FAM135B: variants seen among roughly 807,000 people sequenced by gnomAD.
FAM135B encodes family with sequence similarity 135 member B.
A neutral mutation model predicts 127.7 loss-of-function variants in FAM135B; 43 were observed. The ratio of observed to expected loss-of-function variants is 0.34; its 90% CI spans 0.26 to 0.43. The LOEUF (loss-of-function observed/expected upper bound fraction) is 0.43. Ranked by LOEUF, FAM135B falls within the 20% of genes least tolerant of loss-of-function variation. FAM135B has a pLI of 1.00. For missense variants in FAM135B, 1,558 were observed against 1,725.6 expected (o/e 0.90, Z 1.72); for synonymous variants, 670 against 665.1 (o/e 1.01, Z -0.11).
intron 1 of FAM135B, among the ~76,000 whole-genome samples, chr8:138,424,502 T>C (rs773838270): frequency 6.6e-6 from 1 of 152,162 alleles, no homozygotes; most frequent in Non-Finnish European, 1.5e-5. Context: ...TACTTTAAAA[T>C]TTACCCTTGA....
intron 7 of FAM135B, among the ~76,000 whole-genome samples, chr8:138,240,764 A>G (rs1820696926): frequency 6.6e-6 from 1 of 152,204 alleles, no homozygotes; most frequent in African/African-American, 2.4e-5. Context: ...GAGGGTGTAC[A>G]GGGAGTTGCA....
intron 6 of FAM135B, among the ~76,000 whole-genome samples, chr8:138,249,490 T>C (rs1821542181): frequency 6.6e-6 from 1 of 152,158 alleles, no homozygotes; most frequent in Admixed American, 6.5e-5. Flanking sequence ...ATGTACTGCA[T>C]ATTCACTTAC....
intron 7 of FAM135B, among the ~76,000 whole-genome samples, chr8:138,216,907 A>G (rs1229626754): frequency 6.6e-6 from 1 of 152,218 alleles, no homozygotes; most frequent in Non-Finnish European, 1.5e-5. Flanking sequence ...TAAGTAGGCT[A>G]CAGAGCTTTC....
chr8:138,363,204 T>C (rs1830539265), intron 2 of FAM135B, among the ~76,000 whole-genome samples: 1 of 152,152 alleles, frequency 6.6e-6, no homozygotes, highest in Non-Finnish European at 1.5e-5. Context: ...CCATTAATAG[T>C]GTTAATGACA....
chr8:138,401,105 G>A (rs1833131593), intron 1 of FAM135B, among the ~76,000 whole-genome samples: 1 of 152,092 alleles, frequency 6.6e-6, no homozygotes. Flanking sequence ...TATTAACTGG[G>A]ATTATATCAA....
intron 2 of FAM135B, among the ~76,000 whole-genome samples, chr8:138,331,640 A>ACCTGATGACT (rs56729170): frequency 0.061 from 9,241 of 152,196 alleles, 351 homozygotes; most frequent in Middle Eastern, 0.15. Flanking sequence ...TAGCAACCTC[A>ACCTGATGACT]CCTGATGACT....
intron 1 of FAM135B, among the ~76,000 whole-genome samples, chr8:138,467,302 T>C (rs1005652330): frequency 3.9e-5 from 6 of 152,162 alleles, no homozygotes; most frequent in African/African-American, 1.4e-4. Flanking sequence ...CTCGGAGGCA[T>C]AGTTGCTGGA....
chr8:138,491,247 G>C (rs976189273), intron 1 of FAM135B, among the ~76,000 whole-genome samples: 1 of 151,898 alleles, frequency 6.6e-6, no homozygotes, highest in African/African-American at 2.4e-5. Flanking sequence ...TTAAAACATA[G>C]GGCAAGACTT....
intron 12 of FAM135B, among the ~76,000 whole-genome samples, chr8:138,163,465 A>G (rs4128796): frequency 1.3e-5 from 2 of 151,880 alleles, no homozygotes; most frequent in Non-Finnish European, 2.9e-5. Context: ...AGCTCCCTTA[A>G]TTCCCATATG....
intron 1 of FAM135B, among the ~76,000 whole-genome samples, chr8:138,403,650 G>A (rs1833281320): frequency 6.6e-6 from 1 of 152,134 alleles, no homozygotes; most frequent in Non-Finnish European, 1.5e-5. Context: ...GAGTGGGGCT[G>A]GACCATGACC....
intron 1 of FAM135B, among the ~76,000 whole-genome samples, chr8:138,386,576 G>A (rs1832232058): frequency 6.6e-6 from 1 of 152,160 alleles, no homozygotes; most frequent in Non-Finnish European, 1.5e-5. Context: ...CTGTGGTATA[G>A]AATGAATTTG....
intron 12 of FAM135B, among the ~76,000 whole-genome samples, chr8:138,154,375 T>G (rs926113970): frequency 6.6e-6 from 1 of 151,866 alleles, no homozygotes; most frequent in South Asian, 2.1e-4. Context: ...AAAATCAGAG[T>G]GCCTCTTCTC....
intron 6 of FAM135B, among the ~76,000 whole-genome samples, chr8:138,248,027 T>C (rs1261568476): frequency 6.6e-6 from 1 of 152,240 alleles, no homozygotes; most frequent in Non-Finnish European, 1.5e-5. Flanking sequence ...GCTTATTATG[T>C]GCTAGACATG....
intron 2 of FAM135B, among the ~76,000 whole-genome samples, chr8:138,325,914 A>T (rs1463673379): frequency 1.3e-5 from 2 of 152,234 alleles, no homozygotes; most frequent in Non-Finnish European, 2.9e-5. Context: ...ACTGAGCTTT[A>T]ACGAATGGTG....
chr8:138,219,263 G>C lies in FAM135B; in HGVS notation c.670-21594C>G, dbSNP rs1818835113. Among the ~76,000 whole-genome samples, 3 of 152,218 alleles carry C rather than the reference G, an allele frequency of 2.0e-5. No individual in the cohort carries two copies. In the South Asian group the frequency reaches 6.2e-4, roughly 32 times the overall value. ...AGTGGGGAGTTTCAAATACGCCTTT[G>C]GTTTTGCTTATTTTTCAGGGAGAAA... is the stretch of plus-strand genomic sequence containing the variant. On this transcript the variant is annotated intron_variant, in intron 7 of 19. Transcript: ENST00000395297.
At chr8:138,191,227 G>A (rs1816094034) in intron 9 of FAM135B, among the ~76,000 whole-genome samples, 1 of 152,194 alleles carries the variant, frequency 6.6e-6, no homozygotes, top group Non-Finnish European at 1.5e-5. Flanking sequence ...TTCTCCTATG[G>A]CCTGCCCAAT....
chr8:138,249,290 C>T (rs1019626139), intron 6 of FAM135B, among the ~76,000 whole-genome samples: 2 of 152,170 alleles, frequency 1.3e-5, no homozygotes, highest in African/African-American at 4.8e-5. Flanking sequence ...TGTCTCCTGT[C>T]ACTTCCCAAG....
chr8:138,158,462 G>T (rs1053183654), intron 12 of FAM135B, among the ~76,000 whole-genome samples: 1 of 152,102 alleles, frequency 6.6e-6, no homozygotes, highest in African/African-American at 2.4e-5. Context: ...AAACTAAAGA[G>T]CTTCTGCACA....
chr8:138,439,593 G>C (rs1587456969), intron 1 of FAM135B: 2 of 152,208 alleles, frequency 1.3e-5, no homozygotes, highest in African/African-American at 2.4e-5. Context: ...TCTGTGAATG[G>C]GGATGAAGCA....
Sources: gnomAD v4.1 joint callset for allele counts (sites outside exome capture counted in the v4.1 genomes callset) on GRCh38, gnomAD v4.1.1 for gene constraint, MANE v1.5 for transcripts, NCBI Gene and HGNC (gene_info 2026-07-23, HGNC 2026-07-21) for gene names.